Variants in SNTG2 observed in about 807,000 individuals in gnomAD.
The protein encoded by SNTG2 is gamma-2-syntrophin.
SNTG2 carries 74 observed loss-of-function variants against 70.9 expected under a neutral mutation model. That is an observed-to-expected ratio of 1.04 (90% CI 0.86 to 1.27). The LOEUF (loss-of-function observed/expected upper bound fraction) is 1.27, where lower values mean the gene tolerates loss of function less well. SNTG2 is among the 50% of genes most tolerant of loss of function. The pLI is 0.00. For missense variants in SNTG2, 717 were observed against 690.7 expected, an observed-to-expected ratio of 1.04 and a Z score of -0.43; for synonymous variants, 278 against 273.8, an observed-to-expected ratio of 1.02 and a Z score of -0.15.
At chr2:1,263,736 C>T (rs1445433662) in intron 13 of SNTG2, among the ~76,000 whole-genome samples, 1 of 152,186 alleles carries the variant, frequency 6.6e-6, no homozygotes, top group East Asian at 1.9e-4. Context: ...TCATGTGAAT[C>T]CGGGATGTGA....
At chr2:1,160,457 G>A (rs1670194312) in intron 6 of SNTG2, 1 of 152,216 alleles carries the variant, frequency 6.6e-6, no homozygotes. Context: ...GCTGCTGTGT[G>A]TAGAATCATG....
rs554584011 is a variant in SNTG2, at chr2:1,338,254, G to A, written c.1488+21879G>A. 7.2e-5 allele frequency among the ~76,000 whole-genome samples: 11 copies of A among 152,292 alleles called. No individual in the cohort carries two copies. In the South Asian group the frequency reaches 1.9e-3, roughly 26 times the overall value. ...TGTCTTTGGGATTTGAATGGAGAAT[G>A]TATTGAATCTGAGGTTCACTTTTGG... On this transcript the variant is annotated intron_variant, in intron 16 of 16. Coordinates refer to ENST00000308624, the MANE Select transcript of SNTG2 (RefSeq NM_018968.4).
intron 8 of SNTG2, among the ~76,000 whole-genome samples, chr2:1,190,242 T>A (rs1004015559): frequency 6.6e-6 from 1 of 151,968 alleles, no homozygotes; most frequent in Non-Finnish European, 1.5e-5. Flanking sequence ...GACCCTTATA[T>A]AAAATGGTAT....
At chr2:1,337,201 T>A (rs1659861391) in intron 16 of SNTG2, among the ~76,000 whole-genome samples, 1 of 152,202 alleles carries the variant, frequency 6.6e-6, no homozygotes. Flanking sequence ...TATTCGGGTA[T>A]TGAACAAGAG....
chr2:1,066,802 C>T (rs959146859), intron 1 of SNTG2, among the ~76,000 whole-genome samples: 3 of 152,000 alleles, frequency 2.0e-5, no homozygotes, highest in East Asian at 1.9e-4. Context: ...GCTGAATGAC[C>T]GTAGAACGGT....
At chr2:1,140,305 T>A (rs1668660537) in intron 6 of SNTG2, among the ~76,000 whole-genome samples, 1 of 152,238 alleles carries the variant, frequency 6.6e-6, no homozygotes, top group East Asian at 1.9e-4. Context: ...TTTTAGTACA[T>A]CTATGCATTT....
Position 1,162,015 on chromosome 2 carries a change from A to G in SNTG2, c.412-3533A>G, listed in dbSNP as rs183293153. Among the ~76,000 whole-genome samples, 677 of 135,078 alleles carry G rather than the reference A, an allele frequency of 5.0e-3. 10 individuals are homozygous for G. Among genetic ancestry groups the G allele is most frequent in the African/African-American group, 0.018 (653 of 36,240 alleles). The allele number at this position is 135,078 out of a possible 152,430, so 88.6% of individuals were successfully genotyped here. On this transcript the variant is annotated intron_variant, in intron 6 of 16. Transcript: ENST00000308624. ...TGTGAACCCGGGAGGCGGAGCTTGC[A>G]GTGGGCCCAGATGGCGCCACTGCAC... is the stretch of plus-strand genomic sequence containing the variant.
At position 1,149,188 on chromosome 2, in the gene SNTG2, C is replaced by T. The variant is rs375310701; in HGVS notation, c.411+11379C>T. Among the ~76,000 whole-genome samples the T allele has an allele frequency of 4.5e-3, 403 of 88,706 alleles. 9 individuals are homozygous for T. The South Asian group carries it at 0.073, about 16-fold the overall frequency. The allele number at this position is 88,706 out of a possible 152,430, so 58.2% of individuals were successfully genotyped here. On this transcript the variant is annotated intron_variant, in intron 6 of 16. Transcript: ENST00000308624. ...ATTAAAACATACATGTTCTTCTTGT[C>T]GGACGTGTGTGTGTGTGTGTGAGAG...
chr2:1,173,006 C>A, intron 7 of SNTG2, 86 bp from the exon 8 acceptor site: 1 of 1,247,032 alleles, frequency 8.0e-7, no homozygotes, highest in South Asian at 1.3e-5. Flanking sequence ...ACTTCCCATG[C>A]ACAGGTAGAA....
chr2:1,000,820 A>C (rs945648874), intron 1 of SNTG2, among the ~76,000 whole-genome samples: 1 of 151,938 alleles, frequency 6.6e-6, no homozygotes, highest in African/African-American at 2.4e-5. Context: ...ACAAAAAAGA[A>C]AGCTACAGGC....
chr2:1,077,891 A>G (rs1457025824), intron 1 of SNTG2, among the ~76,000 whole-genome samples: 1 of 151,696 alleles, frequency 6.6e-6, no homozygotes, highest in African/African-American at 2.4e-5. Context: ...TTCTCCAGGG[A>G]TGTCATACAC....
At chr2:1,026,948 A>G (rs2148023879) in intron 1 of SNTG2, among the ~76,000 whole-genome samples, 1 of 152,304 alleles carries the variant, frequency 6.6e-6, no homozygotes, top group Non-Finnish European at 1.5e-5. Context: ...TTGGCTTAGT[A>G]TCTGCATAGC....
At chr2:1,213,245 T>C (rs781587158) in intron 9 of SNTG2, among the ~76,000 whole-genome samples, 1 of 152,228 alleles carries the variant, frequency 6.6e-6, no homozygotes, top group African/African-American at 2.4e-5. Context: ...AATCTACTCT[T>C]TTAGCAATTT....
At chr2:1,175,951 TTCTCCTGGTTCTCCCAGC>T (rs1279083557) in intron 8 of SNTG2, among the ~76,000 whole-genome samples, 1 of 152,200 alleles carries the variant, frequency 6.6e-6, no homozygotes, top group Non-Finnish European at 1.5e-5. Context: ...GTTCTCCCAG[TTCTCCTGGTTCTCCCAGC>T]TCTCCTGGTT....
intron 8 of SNTG2, among the ~76,000 whole-genome samples, chr2:1,193,379 T>C (rs1041089286): frequency 1.4e-4 from 22 of 152,148 alleles, no homozygotes; most frequent in Admixed American, 2.0e-4. Flanking sequence ...ATGAAAAGGA[T>C]TGGAAAGCGT....
intron 9 of SNTG2, among the ~76,000 whole-genome samples, chr2:1,220,255 AG>A (rs1369079546): frequency 6.6e-6 from 1 of 152,262 alleles, no homozygotes; most frequent in Non-Finnish European, 1.5e-5. Flanking sequence ...AGGAAGGGCC[AG>A]GAGATCAGGG....
intron 1 of SNTG2, among the ~76,000 whole-genome samples, chr2:1,034,746 A>C (rs1364868715): frequency 6.6e-6 from 1 of 152,210 alleles, no homozygotes; most frequent in Non-Finnish European, 1.5e-5. Flanking sequence ...ACCTACAAAG[A>C]GAGTTAGATT....
intron 14 of SNTG2, among the ~76,000 whole-genome samples, chr2:1,273,156 GT>G (rs1212348583): frequency 6.6e-6 from 1 of 152,102 alleles, no homozygotes; most frequent in Non-Finnish European, 1.5e-5. Flanking sequence ...AAACCAAGCT[GT>G]CATCCTTCCA....
chr2:1,214,959 G>T (rs1316125836), intron 9 of SNTG2, among the ~76,000 whole-genome samples: 3 of 152,108 alleles, frequency 2.0e-5, no homozygotes, highest in African/African-American at 7.2e-5. Flanking sequence ...AATGAATTTT[G>T]TCAAATGTTT....
Sources: allele counts gnomAD v4.1 joint callset (sites outside exome capture counted in the v4.1 genomes callset), GRCh38; gene constraint gnomAD v4.1.1; transcripts MANE v1.5; gene names NCBI Gene and HGNC (gene_info 2026-07-23, HGNC 2026-07-21).